CNTNAP2: variants seen among roughly 807,000 people sequenced by gnomAD.
CNTNAP2 encodes the protein contactin associated protein 2.
CNTNAP2 carries 98 observed loss-of-function variants against 155.2 expected under a neutral mutation model. The observed-to-expected ratio is 0.63, with a 90% CI of 0.54 to 0.75. The LOEUF (loss-of-function observed/expected upper bound fraction) is 0.75. Ranked by LOEUF, CNTNAP2 falls within the 30% of genes least tolerant of loss-of-function variation. The probability of loss-of-function intolerance (pLI) is 0.00; values close to 1 mark genes in which losing one functional copy is unlikely to be tolerated. For missense variants in CNTNAP2, 1,727 were observed against 1,688.1 expected, an observed-to-expected ratio of 1.02 and a Z score of -0.40; for synonymous variants, 651 against 631.2, an observed-to-expected ratio of 1.03 and a Z score of -0.47.
chr7:147,887,107 A>G (rs1198549840), intron 13 of CNTNAP2, among the ~76,000 whole-genome samples: 2 of 152,200 alleles, frequency 1.3e-5, no homozygotes, highest in Admixed American at 6.5e-5. Flanking sequence ...TTTAAAACCT[A>G]CAGTAACAGA....
intron 10 of CNTNAP2, among the ~76,000 whole-genome samples, chr7:147,462,730 TCACATAA>T: frequency 6.6e-6 from 1 of 152,336 alleles, no homozygotes; most frequent in Non-Finnish European, 1.5e-5. Context: ...AGTTGAGTAT[TCACATAA>T]ATAGTGACAA....
intron 1 of CNTNAP2, among the ~76,000 whole-genome samples, chr7:146,409,655 C>T (rs1028309385): frequency 1.3e-5 from 2 of 152,222 alleles, no homozygotes; most frequent in Admixed American, 6.5e-5. Flanking sequence ...ATTTTCTCAC[C>T]TTCCCAAGGG....
rs368733868 is a variant in CNTNAP2, at chr7:146,143,769, AT to A, written c.97+26807del. ...GTATCATAGATCTAAATTCTAATTT[AT>A]TTTTTTTTTTGAAATGGAGTCTCCT... On this transcript the variant is annotated intron_variant, in intron 1 of 23. Coordinates refer to ENST00000361727, the MANE Select transcript of CNTNAP2 (RefSeq NM_014141.6). 7.6e-4 allele frequency among the ~76,000 whole-genome samples: 112 copies of A among 148,298 alleles called. 1 individual carries two copies. Among genetic ancestry groups the A allele is most frequent in the African/African-American group, 1.9e-3 (79 of 40,600 alleles).
At chr7:148,158,448 C>T (rs1805447511) in intron 17 of CNTNAP2, among the ~76,000 whole-genome samples, 1 of 152,086 alleles carries the variant, frequency 6.6e-6, no homozygotes, top group African/African-American at 2.4e-5. Context: ...GCCTCGATCT[C>T]TCGAGCTCAT....
intron 3 of CNTNAP2, among the ~76,000 whole-genome samples, chr7:146,930,505 C>T (rs565707364): frequency 1.5e-4 from 23 of 152,268 alleles, no homozygotes; most frequent in East Asian, 5.8e-4. Flanking sequence ...TAAAGACCAT[C>T]GATGCTAGGA....
chr7:147,878,452 T>G (rs1286220105), intron 13 of CNTNAP2, among the ~76,000 whole-genome samples: 1 of 151,942 alleles, frequency 6.6e-6, no homozygotes, highest in East Asian at 1.9e-4. Flanking sequence ...TCTTTTTTTT[T>G]GAGATGTCTT....
At chr7:147,827,348 T>C (rs1199805476) in intron 13 of CNTNAP2, among the ~76,000 whole-genome samples, 1 of 152,024 alleles carries the variant, frequency 6.6e-6, no homozygotes, top group Non-Finnish European at 1.5e-5. Flanking sequence ...ATCCAGTTAA[T>C]CCCTAGGAAC....
At chr7:148,244,827 T>C (rs1399047098) in intron 20 of CNTNAP2, among the ~76,000 whole-genome samples, 2 of 152,002 alleles carry the variant, frequency 1.3e-5, no homozygotes, top group Non-Finnish European at 2.9e-5. Flanking sequence ...CTTCCCAAAG[T>C]GCAGGGGTTA....
intron 8 of CNTNAP2, among the ~76,000 whole-genome samples, chr7:147,137,630 T>C (rs1340831447): frequency 6.6e-6 from 1 of 151,856 alleles, no homozygotes; most frequent in East Asian, 1.9e-4. Flanking sequence ...GCCAATTTCT[T>C]AAAAGTTTCA....
chr7:147,986,109 G>A (rs1479023649), intron 15 of CNTNAP2, among the ~76,000 whole-genome samples: 1 of 151,950 alleles, frequency 6.6e-6, no homozygotes, highest in African/African-American at 2.4e-5. Context: ...GCTTATCTCT[G>A]ATTCAGCCCC....
At chr7:146,395,533 A>C (rs933269183) in intron 1 of CNTNAP2, among the ~76,000 whole-genome samples, 2 of 152,104 alleles carry the variant, frequency 1.3e-5, no homozygotes, top group East Asian at 1.9e-4. Context: ...AGAAATAGGC[A>C]CTAAATAGTT....
rs113382196 is a variant in CNTNAP2, at chr7:147,427,457, G to A, written c.1670+31677G>A. Among the ~76,000 whole-genome samples the A allele has an allele frequency of 5.1e-4, 78 of 152,202 alleles. 1 individual carries two copies. Among genetic ancestry groups the A allele is most frequent in the African/African-American group, 1.7e-3 (70 of 41,530 alleles). On this transcript the variant is annotated intron_variant, in intron 10 of 23. Coordinates refer to ENST00000361727, the MANE Select transcript of CNTNAP2 (RefSeq NM_014141.6). ...TCTTATCAGAGCAAACAGAGGCAACGGTGACTGAGCATGGAGATATGTGAG... is the reference window on the plus strand; with the variant it reads ...TCTTATCAGAGCAAACAGAGGCAACAGTGACTGAGCATGGAGATATGTGAG...
intron 1 of CNTNAP2, among the ~76,000 whole-genome samples, chr7:146,404,124 CAAAA>C (rs1163559597): frequency 4.1e-5 from 3 of 72,772 alleles, no homozygotes; most frequent in African/African-American, 6.6e-5. Context: ...GACTCCGTCT[CAAAA>C]AAAAAAAAAA....
At chr7:148,130,535 C>T (rs1352084191) in intron 16 of CNTNAP2, among the ~76,000 whole-genome samples, 1 of 152,206 alleles carries the variant, frequency 6.6e-6, no homozygotes, top group East Asian at 1.9e-4. Flanking sequence ...TTACTCCTTT[C>T]CTTACAGACC....
chr7:146,588,776 T>C (rs925847343), intron 1 of CNTNAP2, among the ~76,000 whole-genome samples: 9 of 152,124 alleles, frequency 5.9e-5, no homozygotes, highest in African/African-American at 2.2e-4. Context: ...CCCAAAATGC[T>C]GGGGTTACAG....
chr7:148,217,247 A>T, intron 18 of CNTNAP2, 41 bp from the exon 19 acceptor site: 3 of 1,588,740 alleles, frequency 1.9e-6, no homozygotes, highest in Non-Finnish European at 2.6e-6. Flanking sequence ...TCGGCATCAG[A>T]CCTCTCCTCA....
intron 1 of CNTNAP2, among the ~76,000 whole-genome samples, chr7:146,647,807 A>T (rs760804887): frequency 6.6e-6 from 1 of 152,124 alleles, no homozygotes; most frequent in Non-Finnish European, 1.5e-5. Context: ...TTGATTAGAG[A>T]TTTTTAAAAG....
At chr7:146,671,096 C>T (rs1182349215) in intron 1 of CNTNAP2, among the ~76,000 whole-genome samples, 1 of 152,122 alleles carries the variant, frequency 6.6e-6, no homozygotes, top group African/African-American at 2.4e-5. Flanking sequence ...AACTCCCAAC[C>T]CTTCTCTCTA....
chr7:146,763,561 A>C lies in CNTNAP2; in HGVS notation c.98-10710A>C, dbSNP rs142284472. 2.1e-3 allele frequency among the ~76,000 whole-genome samples: 327 copies of C among 152,280 alleles called. 2 individuals are homozygous for C. The highest frequency in any genetic ancestry group is 7.5e-3 in the African/African-American group (312 of 41,578). On this transcript the variant is annotated intron_variant, in intron 1 of 23. Transcript: ENST00000361727. Reference sequence around the variant, plus strand: ...TGAAGGAAATGCATATTAACTTTGCACTCAGCGTCACTGGGTAGTTAATAC... The same window carrying C: ...TGAAGGAAATGCATATTAACTTTGCCCTCAGCGTCACTGGGTAGTTAATAC...
Sources: gnomAD v4.1 joint callset for allele counts (sites outside exome capture counted in the v4.1 genomes callset) on GRCh38, gnomAD v4.1.1 for gene constraint, MANE v1.5 for transcripts, NCBI Gene and HGNC (gene_info 2026-07-23, HGNC 2026-07-21) for gene names.